Variants in FYB1 observed in about 807,000 individuals in gnomAD.
The protein encoded by FYB1 is FYN-binding protein 1.
In FYB1, 41 loss-of-function variants were observed where a neutral mutation model predicts 94.1. The ratio of observed to expected loss-of-function variants is 0.44; its 90% CI spans 0.34 to 0.57. The LOEUF is 0.57. Among genes scored for constraint, FYB1 ranks in the 20% least tolerant of loss-of-function variants. The pLI, the probability that FYB1 is intolerant of heterozygous loss-of-function variation, is 0.02. For synonymous variants in FYB1, 367 were observed against 353.2 expected (o/e 1.04, Z -0.44); for missense variants, 1,050 against 976.8 (o/e 1.07, Z -1.00).
chr5:39,204,599 C>A (rs142729252), intron 1 of FYB1, among the ~76,000 whole-genome samples: 1 of 152,128 alleles, frequency 6.6e-6, no homozygotes. Context: ...GCTCTGAAGT[C>A]CAGAAAATGT....
chr5:39,185,609 C>A (rs1043846040), intron 2 of FYB1, among the ~76,000 whole-genome samples: 71 of 138,874 alleles, frequency 5.1e-4, no homozygotes, highest in Non-Finnish European at 7.7e-4. Flanking sequence ...TATATATACA[C>A]ATATATATAT....
chr5:39,235,163 C>T (rs1185206861), intron 1 of FYB1, among the ~76,000 whole-genome samples: 7 of 151,694 alleles, frequency 4.6e-5, no homozygotes, highest in East Asian at 3.9e-4. Flanking sequence ...GTGTAGCTTG[C>T]GGGGTAGTGG....
chr5:39,113,691 A>T (rs759795169), intron 16 of FYB1, among the ~76,000 whole-genome samples: 6 of 118,418 alleles, frequency 5.1e-5, no homozygotes, highest in Non-Finnish European at 7.4e-5. Flanking sequence ...AAATGACAAC[A>T]TACTATTTCA....
At chr5:39,177,020 C>T (rs1383845963) in intron 2 of FYB1, among the ~76,000 whole-genome samples, 1 of 152,224 alleles carries the variant, frequency 6.6e-6, no homozygotes, top group Non-Finnish European at 1.5e-5. Context: ...TATCCTCATT[C>T]TCCTGTATGT....
chr5:39,150,468 A>G (rs1580394685), intron 3 of FYB1, among the ~76,000 whole-genome samples: 1 of 152,178 alleles, frequency 6.6e-6, no homozygotes, highest in Admixed American at 6.5e-5. Flanking sequence ...CTCTGCTTCA[A>G]TCTTTGGAAC....
chr5:39,176,622 G>C (rs1049667282), intron 2 of FYB1, among the ~76,000 whole-genome samples: 1 of 152,074 alleles, frequency 6.6e-6, no homozygotes, highest in African/African-American at 2.4e-5. Context: ...TATTCTGACT[G>C]GTGTTTCTTT....
intron 2 of FYB1, among the ~76,000 whole-genome samples, chr5:39,159,781 A>C (rs1744084225): frequency 6.6e-6 from 1 of 151,958 alleles, no homozygotes; most frequent in Non-Finnish European, 1.5e-5. Context: ...GCTTCCTTGT[A>C]CAGCCCACTC....
At chr5:39,222,096 G>A (rs1236946440), upstream of FYB1, among the ~76,000 whole-genome samples, 1 of 152,138 alleles carries the variant, frequency 6.6e-6, no homozygotes, top group African/African-American at 2.4e-5. Flanking sequence ...TGTCTTCATG[G>A]AATGTACTGC....
intron 2 of FYB1, among the ~76,000 whole-genome samples, chr5:39,188,725 G>T (rs1313800600): frequency 1.3e-5 from 2 of 152,014 alleles, no homozygotes; most frequent in East Asian, 1.9e-4. Flanking sequence ...TATAGATGGG[G>T]TTTCACCATG....
intron 3 of FYB1, among the ~76,000 whole-genome samples, chr5:39,148,392 T>C (rs1301655299): frequency 1.1e-5 from 1 of 92,564 alleles, no homozygotes; most frequent in South Asian, 3.5e-4. Flanking sequence ...TTTTTTTTTT[T>C]TTTTTTTTTT....
intron 2 of FYB1, among the ~76,000 whole-genome samples, chr5:39,195,441 T>A (rs1747746672): frequency 6.6e-6 from 1 of 152,028 alleles, no homozygotes; most frequent in African/African-American, 2.4e-5. Flanking sequence ...TGAAGGAAAA[T>A]CTTACCCACT....
At chr5:39,198,154 T>C (rs1050444323) in intron 2 of FYB1, among the ~76,000 whole-genome samples, 1 of 152,226 alleles carries the variant, frequency 6.6e-6, no homozygotes, top group African/African-American at 2.4e-5. Context: ...CATGTAGTGA[T>C]TATAATGTGC....
At chr5:39,237,133 A>C (rs1433574745) in intron 1 of FYB1, among the ~76,000 whole-genome samples, 1 of 152,080 alleles carries the variant, frequency 6.6e-6, no homozygotes, top group Non-Finnish European at 1.5e-5. Flanking sequence ...TCCCGACAAA[A>C]CAATTTGGGT....
In FYB1 at chr5:39,106,384, C is replaced by G. The variant is rs1760376164; in HGVS notation, c.*1059G>C. ...TTTTTAAATCATGCTATTTAGTGTT[C>G]TTAACATTTGAAACCCAAATGGTTC... On this transcript the variant is annotated 3_prime_UTR_variant, in exon 19 of 19. Transcript: ENST00000512982. 1 of 151,972 alleles carries G rather than the reference C, an allele frequency of 6.6e-6. No individual in the cohort carries two copies. The highest frequency in any genetic ancestry group is 1.5e-5 in the Non-Finnish European group (1 of 67,954). The allele number at this position is 151,972 out of a possible 1,614,324, so 9.4% of individuals were successfully genotyped here.
intron 1 of FYB1, among the ~76,000 whole-genome samples, chr5:39,230,781 A>G (rs1362803): frequency 0.16 from 24,202 of 150,912 alleles, 5,185 homozygotes; most frequent in African/African-American, 0.47. Flanking sequence ...CTGAAACCCA[A>G]CTGGACAGGG....
intron 16 of FYB1, among the ~76,000 whole-genome samples, chr5:39,116,095 C>G (rs1031806105): frequency 6.6e-6 from 1 of 152,184 alleles, no homozygotes; most frequent in Non-Finnish European, 1.5e-5. Flanking sequence ...TTGGAGGTCT[C>G]CAGCATGATC....
chr5:39,126,682 T>C (rs1293839838), intron 11 of FYB1, among the ~76,000 whole-genome samples: 2 of 112,704 alleles, frequency 1.8e-5, no homozygotes, highest in Non-Finnish European at 3.3e-5. Flanking sequence ...GGCAACAGAG[T>C]GAGACCTGGT....
intron 1 of FYB1, chr5:39,250,833 T>A (rs1194709595): frequency 6.6e-6 from 1 of 152,186 alleles, no homozygotes; most frequent in East Asian, 1.9e-4. Flanking sequence ...ATATTCTGAT[T>A]TCAGGATAAG....
intron 2 of FYB1, among the ~76,000 whole-genome samples, chr5:39,189,952 G>T (rs546830354): frequency 6.6e-6 from 1 of 152,352 alleles, no homozygotes; most frequent in African/African-American, 2.4e-5. Context: ...CCGGAAGCTA[G>T]AAGTGACCTT....
Sources: allele counts gnomAD v4.1 joint callset (sites outside exome capture counted in the v4.1 genomes callset), GRCh38; gene constraint gnomAD v4.1.1; transcripts MANE v1.5; gene names NCBI Gene and HGNC (gene_info 2026-07-23, HGNC 2026-07-21).